Variants in TUBA8 observed in about 807,000 individuals in gnomAD.
The protein encoded by TUBA8 is tubulin alpha-8 chain.
A neutral mutation model predicts 34.7 loss-of-function variants in TUBA8; 29 were observed. The ratio of observed to expected loss-of-function variants is 0.84; its 90% confidence interval spans 0.62 to 1.14. TUBA8 has a LOEUF of 1.14. Ranked by LOEUF, TUBA8 falls within the 50% of genes most tolerant of loss-of-function variation. The pLI is 0.00. For synonymous variants in TUBA8, 226 were observed against 231.2 expected, an observed-to-expected ratio of 0.98 and a Z score of 0.21; for missense variants, 541 against 599.2, an observed-to-expected ratio of 0.90 and a Z score of 1.01.
At chr22:18,127,488 G>C (rs1928367744) in intron 4 of TUBA8, 1 of 158,574 alleles carries the variant, frequency 6.3e-6, no homozygotes, top group Non-Finnish European at 1.4e-5. Flanking sequence ...CCACCTCTCA[G>C]GTTCACGCCA....
chr22:18,115,550 C>G (rs952396555), intron 1 of TUBA8: 1 of 152,248 alleles, frequency 6.6e-6, no homozygotes, highest in Non-Finnish European at 1.5e-5. Context: ...AGCTTACGTT[C>G]TCTACTAGAA....
rs1222356489 is a variant in TUBA8, at chr22:18,121,530, G to T, written c.55G>T (p.Ala19Ser). Residue 19 changes from alanine (A) to serine (S), a missense_variant, in exon 2 of 5, where the codon GCC becomes TCC. Transcript: ENST00000330423. The surrounding 1 kb of genome is among the most constrained non-coding windows in gnomAD (Gnocchi z 4.8). The part of the protein sequence containing the change: ...VGQAGVQIGN[A>S]CWELFCLEHG... The stretch of plus-strand genomic sequence containing the variant: ...CCAAGCGGGAGTTCAGATTGGCAAT[G>T]CCTGCTGGGAGCTCTTCTGCCTGGA... 1.2e-6 allele frequency: 2 copies of T among 1,614,242 alleles called. No homozygotes were observed. The highest frequency in any genetic ancestry group is 2.7e-5 in the African/African-American group (2 of 75,066).
Position 18,130,910 on chromosome 22 carries a change from T to C in TUBA8, c.1124T>C (p.Val375Ala). ...GACCTGGCCAAGGTGCAGCGGGCCGTCTGCATGCTCAGCAACACCACGGCC... is the reference window on the plus strand; with the variant it reads ...GACCTGGCCAAGGTGCAGCGGGCCGCCTGCATGCTCAGCAACACCACGGCC... ...GGDLAKVQRA[V>A]CMLSNTTAIA... The change falls in exon 5 of 5, where the codon GTC becomes GCC. Residue 375 changes from valine (V) to alanine (A), a missense_variant. Transcript: ENST00000330423. 6.2e-7 allele frequency: 1 copy of C among 1,614,122 alleles called. No individual in the cohort carries two copies. The highest frequency in any genetic ancestry group is 8.5e-7 in the Non-Finnish European group (1 of 1,180,012).
chr22:18,115,966 G>A (rs1176293292), intron 1 of TUBA8: 1 of 152,278 alleles, frequency 6.6e-6, no homozygotes, highest in Non-Finnish European at 1.5e-5. Context: ...GGACCAAGGA[G>A]GACAGAACTT....
intron 1 of TUBA8, chr22:18,115,041 A>G (rs1195134887): frequency 1.3e-5 from 2 of 152,108 alleles, no homozygotes; most frequent in Non-Finnish European, 2.9e-5. Context: ...TCTTTTATTG[A>G]TGCTCTGCAA....
chr22:18,119,891 C>T lies in TUBA8; in HGVS notation c.4-1588C>T, dbSNP rs1928094638. 6.6e-6 allele frequency: 1 copy of T among 152,268 alleles called. No homozygotes were observed. The highest frequency in any genetic ancestry group is 1.5e-5 in the Non-Finnish European group (1 of 68,064). 9.4% of individuals were successfully genotyped at this position (152,268 alleles called of 1,614,324 possible). ...TGCCCTCTGGAGGCTCTGCCCCTGG[C>T]TTGGGTTACCCGGAGCTGGAAAATG... On this transcript the variant is annotated intron_variant, in intron 1 of 4. Transcript: ENST00000330423. The surrounding 1 kb of genome is among the most constrained non-coding windows in gnomAD (Gnocchi z 5.9).
chr22:18,130,588 T>TC, intron 4 of TUBA8: 2 of 516,072 alleles, frequency 3.9e-6, no homozygotes, highest in Non-Finnish European at 6.6e-6. Flanking sequence ...CGGGCCTGGC[T>TC]AATTTTTTTT....
Position 18,124,005 on chromosome 22 carries a change from C to A in TUBA8, c.227-151C>A. On this transcript the variant is annotated intron_variant, in intron 2 of 4. Coordinates refer to ENST00000330423, the MANE Select transcript of TUBA8 (RefSeq NM_018943.3). The surrounding 1 kb of genome is among the most constrained non-coding windows in gnomAD (Gnocchi z 4.3). ...CTGAGCTACCCGGGAATTCTCTTAG[C>A]CTTTTGCAGATTCATTACGAGGTGG... The A allele has an allele frequency of 1.1e-6, 1 of 923,476 alleles. No homozygotes were observed. Among genetic ancestry groups the A allele is most frequent in the Non-Finnish European group, 1.7e-6 (1 of 589,696 alleles). 57.2% of individuals were successfully genotyped at this position (923,476 alleles called of 1,614,324 possible).
chr22:18,114,668 C>T (rs1483536317), intron 1 of TUBA8: 1 of 152,076 alleles, frequency 6.6e-6, no homozygotes, highest in African/African-American at 2.4e-5. Context: ...CCCAGCCTGA[C>T]AACTAGAGAT....
rs138855467 is a variant in TUBA8, at chr22:18,126,556, C to G, written c.578C>G (p.Thr193Ser). The change falls in exon 4 of 5, where the codon ACC becomes AGC. Residue 193 changes from threonine (T) to serine (S), a missense_variant. Transcript: ENST00000330423. This position sits in a 1 kb window ranked among gnomAD's most constrained non-coding sequence, Gnocchi z 4.0. Reference protein sequence around the residue: ...EPYNSILTTHTTLEHSDCAFM... With the variant: ...EPYNSILTTHSTLEHSDCAFM... ...TACAACTCCATCCTGACCACCCACA[C>G]CACACTGGAACATTCAGATTGTGCT... The G allele has an allele frequency of 6.2e-7, 1 of 1,614,186 alleles. No individual in the cohort carries two copies. Among genetic ancestry groups the G allele is most frequent in the East Asian group, 2.2e-5 (1 of 44,884 alleles).
At position 18,121,200 on chromosome 22, in the gene TUBA8, C is replaced by A; in HGVS notation, c.4-279C>A. ...GAATCTTGTGGTTTGGAATTAGCCC[C>A]TTGCTTCATCTTTGCAACCACCCTC... is the stretch of plus-strand genomic sequence containing the variant. On this transcript the variant is annotated intron_variant, in intron 1 of 4. Transcript: ENST00000330423. This position sits in a 1 kb window ranked among gnomAD's most constrained non-coding sequence, Gnocchi z 4.8. 2.3e-6 allele frequency: 1 copy of A among 443,998 alleles called. No homozygotes were observed. Among genetic ancestry groups the A allele is most frequent in the Non-Finnish European group, 4.2e-6 (1 of 239,322 alleles). 27.5% of individuals were successfully genotyped at this position (443,998 alleles called of 1,614,324 possible).
chr22:18,123,453 C>T (rs1392911801), intron 2 of TUBA8: 2 of 152,856 alleles, frequency 1.3e-5, no homozygotes, highest in Non-Finnish European at 2.9e-5. Context: ...GACATGGTTT[C>T]ACCATGTTAG....
chr22:18,112,201 A>G (rs188086811), intron 1 of TUBA8: 7 of 152,340 alleles, frequency 4.6e-5, no homozygotes, highest in Non-Finnish European at 8.8e-5. Flanking sequence ...TTATAATTCA[A>G]ATTTCCAAGA....
chr22:18,131,288 TG>T lies in TUBA8; in HGVS notation c.*155del. On this transcript the variant is annotated 3_prime_UTR_variant, in exon 5 of 5. Coordinates refer to ENST00000330423, the MANE Select transcript of TUBA8 (RefSeq NM_018943.3). This position sits in a 1 kb window ranked among gnomAD's most constrained non-coding sequence, Gnocchi z 5.3. The stretch of plus-strand genomic sequence containing the variant: ...GCCCCAGTACCCAGGGTGGCACGAC[TG>T]GGCTAAGTGGACACTGAGCTTCATC... 1 of 748,194 alleles carries T rather than the reference TG, an allele frequency of 1.3e-6. No individual in the cohort carries two copies. 46.3% of individuals were successfully genotyped at this position (748,194 alleles called of 1,614,324 possible).
rs1927785774 is a variant in TUBA8 at position 18,110,973 on chromosome 22, GCTCAAGGC to G, written c.3+108_3+115del. On this transcript the variant is annotated intron_variant, in intron 1 of 4. Transcript: ENST00000330423. This position sits in a 1 kb window ranked among gnomAD's most constrained non-coding sequence, Gnocchi z 6.2. Reference sequence around the variant, plus strand: ...GGACCCGTCTTCCTGGAGCCGCAGGGCTCAAGGCCTTCTGGGGGTGGCAGTTCAGGGTC... The same window carrying G: ...GGACCCGTCTTCCTGGAGCCGCAGGGCTTCTGGGGGTGGCAGTTCAGGGTC... The G allele has an allele frequency of 2.0e-6, 3 of 1,510,614 alleles. No individual in the cohort carries two copies. Among genetic ancestry groups the G allele is most frequent in the Non-Finnish European group, 2.7e-6 (3 of 1,126,388 alleles). The allele number at this position is 1,510,614 out of a possible 1,614,324, so 93.6% of individuals were successfully genotyped here.
Position 18,121,763 on chromosome 22 carries a change from A to C in TUBA8, c.226+62A>C. 6.6e-7 allele frequency: 1 copy of C among 1,513,678 alleles called. No homozygotes were observed. The allele number at this position is 1,513,678 out of a possible 1,614,324, so 93.8% of individuals were successfully genotyped here. Reference sequence around the variant, plus strand: ...CTCGAAACTGCAGAGGCATTGGCCCACAGTAGCTAAGGAAGCAGCGTCTCT... The same window carrying C: ...CTCGAAACTGCAGAGGCATTGGCCCCCAGTAGCTAAGGAAGCAGCGTCTCT... On this transcript the variant is annotated intron_variant, in intron 2 of 4. Coordinates refer to ENST00000330423, the MANE Select transcript of TUBA8 (RefSeq NM_018943.3). The surrounding 1 kb of genome is among the most constrained non-coding windows in gnomAD (Gnocchi z 4.8).
Position 18,131,125 on chromosome 22 carries a change from G to A in TUBA8, c.1339G>A (p.Glu447Lys), listed in dbSNP as rs760171504. Residue 447 changes from glutamate (E) to lysine (K), a missense_variant, in exon 5 of 5, where the codon GAG becomes AAG. By Grantham distance (56) the Glu-to-Lys change is moderately conservative. Coordinates refer to ENST00000330423, the MANE Select transcript of TUBA8 (RefSeq NM_018943.3). This position sits in a 1 kb window ranked among gnomAD's most constrained non-coding sequence, Gnocchi z 5.3. ...TDSFEEENEG[E>K]EF Reference sequence around the variant, plus strand: ...TTCGTTTGAAGAAGAAAATGAAGGGGAGGAATTTTAAATATATACCTTCCC... The same window carrying A: ...TTCGTTTGAAGAAGAAAATGAAGGGAAGGAATTTTAAATATATACCTTCCC... 1.2e-6 allele frequency: 2 copies of A among 1,613,930 alleles called. No homozygotes were observed. The highest frequency in any genetic ancestry group is 1.7e-5 in the Admixed American group (1 of 60,020).
chr22:18,119,186 C>G lies in TUBA8; in HGVS notation c.4-2293C>G, dbSNP rs925068783. Reference sequence around the variant, plus strand: ...TCCACACCTCCCTGGGAAGTCACAGCCACATGCTGAATGTGACGCCGTGGT... The same window carrying G: ...TCCACACCTCCCTGGGAAGTCACAGGCACATGCTGAATGTGACGCCGTGGT... On this transcript the variant is annotated intron_variant, in intron 1 of 4. Coordinates refer to ENST00000330423, the MANE Select transcript of TUBA8 (RefSeq NM_018943.3). This position sits in a 1 kb window ranked among gnomAD's most constrained non-coding sequence, Gnocchi z 5.9. 6.6e-6 allele frequency: 1 copy of G among 152,322 alleles called. No individual in the cohort carries two copies. The highest frequency in any genetic ancestry group is 1.5e-5 in the Non-Finnish European group (1 of 68,134). The allele number at this position is 152,322 out of a possible 1,614,324, so 9.4% of individuals were successfully genotyped here.
Position 18,130,908 on chromosome 22 carries a change from C to G in TUBA8, c.1122C>G (p.Ala374=). The change falls in exon 5 of 5, where the codon GCC becomes GCG. Residue 374 remains alanine (A), a synonymous_variant. Transcript: ENST00000330423. Reference sequence around the variant, plus strand: ...GAGACCTGGCCAAGGTGCAGCGGGCCGTCTGCATGCTCAGCAACACCACGG... The same window carrying G: ...GAGACCTGGCCAAGGTGCAGCGGGCGGTCTGCATGCTCAGCAACACCACGG... ...PGGDLAKVQR[A]VCMLSNTTAI... The G allele has an allele frequency of 6.2e-7, 1 of 1,614,108 alleles. No individual in the cohort carries two copies. The highest frequency in any genetic ancestry group is 8.5e-7 in the Non-Finnish European group (1 of 1,180,030).
Sources: allele counts gnomAD v4.1 joint callset, GRCh38; gene constraint gnomAD v4.1.1; non-coding constraint Gnocchi (gnomAD v3.1); transcripts MANE v1.5; gene names NCBI Gene and HGNC (gene_info 2026-07-23, HGNC 2026-07-21).